The following ANO2 variants were observed in gnomAD, a reference collection of about 807,000 sequenced individuals.
ANO2 encodes anoctamin 2.
In ANO2, 101 loss-of-function variants were observed where a neutral mutation model predicts 124.2. That is an observed-to-expected ratio of 0.81 (90% CI 0.69 to 0.96). The LOEUF (loss-of-function observed/expected upper bound fraction) is 0.96. Among genes scored for constraint, ANO2 ranks in the 40% least tolerant of loss-of-function variants. The probability of loss-of-function intolerance (pLI) is 0.00; values close to 1 mark genes in which losing one functional copy is unlikely to be tolerated. For synonymous variants in ANO2, 486 were observed against 482.5 expected (o/e 1.01, Z -0.09); for missense variants, 1,293 against 1,274.5 (o/e 1.01, Z -0.22).
chr12:5,849,444 T>G (rs146348079), intron 4 of ANO2, among the ~76,000 whole-genome samples: 192 of 152,334 alleles, frequency 1.3e-3, no homozygotes, highest in African/African-American at 4.2e-3. Flanking sequence ...ATCTTGGTAA[T>G]GAGCAGACGT....
chr12:5,817,036 T>C (rs1371626244), intron 7 of ANO2, among the ~76,000 whole-genome samples: 1 of 152,150 alleles, frequency 6.6e-6, no homozygotes, highest in East Asian at 1.9e-4. Context: ...ATCCTGACAT[T>C]TGACTTTGAG....
At position 5,827,830 on chromosome 12, in the gene ANO2, G is replaced by A; in HGVS notation, c.841-10C>T. On this transcript the variant is annotated splice_polypyrimidine_tract_variant and intron_variant, in intron 6 of 24. Transcript: ENST00000682330. ...TCAGGATCTCGTGCACCTAAAAGGG[G>A]ACGACAGCAGAGCTGTGAGCTCCTA... 6.2e-7 allele frequency: 1 copy of A among 1,608,366 alleles called. No individual in the cohort carries two copies. Among genetic ancestry groups the A allele is most frequent in the South Asian group, 1.1e-5 (1 of 89,634 alleles).
chr12:5,752,542 T>C (rs895667563), intron 10 of ANO2, among the ~76,000 whole-genome samples: 3 of 152,184 alleles, frequency 2.0e-5, no homozygotes, highest in Non-Finnish European at 2.9e-5. Flanking sequence ...TTTACTTAAT[T>C]TTTTTATCAG....
chr12:5,631,062 A>AT (rs1380173072), intron 16 of ANO2, among the ~76,000 whole-genome samples: 2 of 152,120 alleles, frequency 1.3e-5, no homozygotes, highest in Admixed American at 6.5e-5. Context: ...ATCGCACTAG[A>AT]TATGTGGGCT....
At chr12:5,848,730 T>C (rs1195477575) in intron 4 of ANO2, among the ~76,000 whole-genome samples, 1 of 152,238 alleles carries the variant, frequency 6.6e-6, no homozygotes, top group Non-Finnish European at 1.5e-5. Context: ...CATCTGTTCC[T>C]GCATCTCCAC....
chr12:5,606,050 C>T (rs1373432541), intron 19 of ANO2, among the ~76,000 whole-genome samples: 4 of 152,192 alleles, frequency 2.6e-5, no homozygotes, highest in Non-Finnish European at 5.9e-5. Context: ...CTTTCAAGTG[C>T]TCGGTGACCC....
chr12:5,852,802 G>A (rs553185330), intron 4 of ANO2, among the ~76,000 whole-genome samples: 4 of 147,982 alleles, frequency 2.7e-5, no homozygotes, highest in African/African-American at 9.9e-5. Context: ...ACAGCAAGAT[G>A]ATCTTTGCCA....
intron 14 of ANO2, among the ~76,000 whole-genome samples, chr12:5,726,757 A>G (rs1363593103): frequency 2.0e-5 from 3 of 152,226 alleles, no homozygotes; most frequent in African/African-American, 7.2e-5. Flanking sequence ...AAGAGAAGGT[A>G]TAAGAGCTAA....
intron 7 of ANO2, among the ~76,000 whole-genome samples, chr12:5,816,856 C>A (rs1340146276): frequency 6.6e-6 from 1 of 152,206 alleles, no homozygotes; most frequent in Non-Finnish European, 1.5e-5. Flanking sequence ...CCACGTCTGT[C>A]TGCATGGCTA....
At chr12:5,734,299 G>A (rs1950765554) in intron 13 of ANO2, among the ~76,000 whole-genome samples, 1 of 152,260 alleles carries the variant, frequency 6.6e-6, no homozygotes, top group African/African-American at 2.4e-5. Context: ...AATACTTAGA[G>A]AAGTATGGTT....
intron 15 of ANO2, among the ~76,000 whole-genome samples, chr12:5,643,213 A>C (rs1946469096): frequency 6.6e-6 from 1 of 152,186 alleles, no homozygotes; most frequent in Admixed American, 6.5e-5. Flanking sequence ...CACTGTGCAG[A>C]ATTTTATGAT....
intron 14 of ANO2, among the ~76,000 whole-genome samples, chr12:5,686,656 C>G (rs1246756807): frequency 3.9e-5 from 6 of 152,234 alleles, no homozygotes; most frequent in South Asian, 4.1e-4. Flanking sequence ...CCATCCCCTC[C>G]ATGGGCCCCT....
At chr12:5,641,222 C>T (rs55705167) in intron 15 of ANO2, among the ~76,000 whole-genome samples, 3,052 of 106,274 alleles carry the variant, frequency 0.029, 113 homozygotes, top group African/African-American at 0.11. Flanking sequence ...TGGGGCCTGT[C>T]AGGGGGTGGG....
chr12:5,805,920 G>T (rs1038147824), intron 9 of ANO2, 132 bp downstream of exon 9: 5 of 840,036 alleles, frequency 6.0e-6, no homozygotes, highest in Non-Finnish European at 9.1e-6. Flanking sequence ...TGGGGGAAAG[G>T]GGGGAGCTGG....
At chr12:5,758,690 T>C (rs1951652283) in intron 10 of ANO2, among the ~76,000 whole-genome samples, 1 of 152,190 alleles carries the variant, frequency 6.6e-6, no homozygotes, top group African/African-American at 2.4e-5. Context: ...TGAAGGTGAC[T>C]CTTGCAACAA....
At chr12:5,663,823 A>G (rs563348111) in intron 14 of ANO2, among the ~76,000 whole-genome samples, 1 of 152,304 alleles carries the variant, frequency 6.6e-6, no homozygotes, top group African/African-American at 2.4e-5. Flanking sequence ...GGCCTCTAAG[A>G]TGTCACTGGT....
At chr12:5,845,363 C>G (rs1424295410) in intron 4 of ANO2, among the ~76,000 whole-genome samples, 3 of 151,876 alleles carry the variant, frequency 2.0e-5, no homozygotes, top group Admixed American at 1.3e-4. Context: ...GTCAGGAGAC[C>G]GAGACCATCC....
At chr12:5,684,597 A>C (rs1006546207) in intron 14 of ANO2, among the ~76,000 whole-genome samples, 2 of 152,164 alleles carry the variant, frequency 1.3e-5, no homozygotes, top group African/African-American at 4.8e-5. Flanking sequence ...GAGCCTTCAA[A>C]GTCTTGCTCA....
intron 10 of ANO2, among the ~76,000 whole-genome samples, chr12:5,795,226 C>T (rs899861376): frequency 6.6e-6 from 1 of 152,174 alleles, no homozygotes; most frequent in African/African-American, 2.4e-5. Context: ...CACAGTGCCA[C>T]CCAAGGGCTC....
Sources: gnomAD v4.1 joint callset for allele counts (sites outside exome capture counted in the v4.1 genomes callset) on GRCh38, gnomAD v4.1.1 for gene constraint, MANE v1.5 for transcripts, NCBI Gene and HGNC (gene_info 2026-07-23, HGNC 2026-07-21) for gene names.